Variants in OR56A3 observed in about 807,000 individuals in gnomAD.
OR56A3 encodes the protein olfactory receptor family 56 subfamily A member 3, also known as olfactory receptor 56A3.
OR56A3 carries 23 observed loss-of-function variants against 17.5 expected under a neutral mutation model. The ratio of observed to expected loss-of-function variants is 1.32; its 90% confidence interval spans 0.95 to 1.87. OR56A3 has a LOEUF of 1.87. Among genes scored for constraint, OR56A3 ranks in the 40% most tolerant of loss-of-function variants. The pLI is 0.00. For missense variants in OR56A3, 366 were observed against 380.1 expected (o/e 0.96, Z 0.31); for synonymous variants, 175 against 150.6 (o/e 1.16, Z -1.19).
the OR56A3 span, chr11:6,021,540 A>T: frequency 6.6e-6 from 1 of 152,098 alleles, no homozygotes; most frequent in Non-Finnish European, 1.5e-5. Flanking sequence ...ATAATTAAAT[A>T]AAAAATTATT....
chr11:6,004,743 A>G, the OR56A3 span, among the ~76,000 whole-genome samples: 1 of 152,188 alleles, frequency 6.6e-6, no homozygotes, highest in Non-Finnish European at 1.5e-5. Flanking sequence ...ATCAGATTGA[A>G]CTAATTCACC....
the OR56A3 span, among the ~76,000 whole-genome samples, chr11:6,010,525 AAC>A: frequency 1.3e-5 from 2 of 152,186 alleles, no homozygotes; most frequent in African/African-American, 4.8e-5. Context: ...ACCATGTTAG[AAC>A]AGTGTTAAAA....
Position 5,948,597 on chromosome 11 carries a change from A to C in OR56A3, c.*303A>C, listed in dbSNP as rs933642117. On this transcript the variant is annotated 3_prime_UTR_variant, in exon 3 of 3. Coordinates refer to ENST00000641160, the MANE Select transcript of OR56A3 (RefSeq NM_001003443.3). The stretch of plus-strand genomic sequence containing the variant: ...TGTATGTTTCTGAACACACAACTCA[A>C]TATGTCATGAATTTTGTATCATTAA... 1 of 298,170 alleles carries C rather than the reference A, an allele frequency of 3.4e-6. No individual in the cohort carries two copies. Among genetic ancestry groups the C allele is most frequent in the Non-Finnish European group, 6.2e-6 (1 of 160,090 alleles). 18.5% of individuals were successfully genotyped at this position (298,170 alleles called of 1,614,324 possible). A position where few individuals can be genotyped will look rare whatever the true frequency, so the allele number is the denominator to read the frequency against.
At chr11:6,002,670 T>A in the OR56A3 span, 1 of 1,614,050 alleles carries the variant, frequency 6.2e-7, no homozygotes, top group Non-Finnish European at 8.5e-7. Flanking sequence ...CAAAAAACTG[T>A]TCATGATGAA....
At chr11:5,988,757 C>A in the OR56A3 span, among the ~76,000 whole-genome samples, 1 of 152,186 alleles carries the variant, frequency 6.6e-6, no homozygotes, top group African/African-American at 2.4e-5. Context: ...TCTTTGACAA[C>A]CGCATGTTAA....
At chr11:5,994,791 C>T in the OR56A3 span, 1 of 755,070 alleles carries the variant, frequency 1.3e-6, no homozygotes, top group Admixed American at 1.7e-5. Flanking sequence ...TGTCCCCAGT[C>T]TACCTGGGGT....
At position 5,947,579 on chromosome 11, in the gene OR56A3, G is replaced by T; in HGVS notation, c.233G>T (p.Cys78Phe). Reference sequence around the variant, plus strand: ...CTCTCCCTGCTGGACATCGTGCTCTGCCTCACTGTCATCCCCAAGGTCCTG... The same window carrying T: ...CTCTCCCTGCTGGACATCGTGCTCTTCCTCACTGTCATCCCCAAGGTCCTG... ...SLLSLLDIVL[C>F]LTVIPKVLTI... The change falls in exon 3 of 3, where the codon TGC (cysteine) becomes TTC (phenylalanine). Residue 78 changes from cysteine to phenylalanine, a missense_variant. Coordinates refer to ENST00000641160, the MANE Select transcript of OR56A3 (RefSeq NM_001003443.3). 3 of 1,614,124 alleles carry T rather than the reference G, an allele frequency of 1.9e-6. No individual in the cohort carries two copies. The highest frequency in any genetic ancestry group is 2.5e-6 in the Non-Finnish European group (3 of 1,180,038).
the OR56A3 span, among the ~76,000 whole-genome samples, chr11:5,972,889 G>GC: frequency 3.9e-5 from 6 of 152,310 alleles, no homozygotes; most frequent in African/African-American, 1.4e-4. Context: ...GAGCCACCGT[G>GC]CCCGGCAGGG....
the OR56A3 span, chr11:6,002,339 A>G: frequency 6.2e-7 from 1 of 1,614,180 alleles, no homozygotes; most frequent in Admixed American, 1.7e-5. Flanking sequence ...AATAGGAGAT[A>G]ACAATAAGGA....
the OR56A3 span, among the ~76,000 whole-genome samples, chr11:5,971,409 T>A: frequency 6.6e-6 from 1 of 152,354 alleles, no homozygotes; most frequent in African/African-American, 2.4e-5. Context: ...TCCTGCCTCT[T>A]ATGTGTAGTC....
At chr11:5,961,328 G>C in the OR56A3 span, among the ~76,000 whole-genome samples, 2 of 152,256 alleles carry the variant, frequency 1.3e-5, no homozygotes, top group Non-Finnish European at 2.9e-5. Context: ...AATGGGAAAG[G>C]AAGGAGAGAT....
chr11:5,998,376 T>C, the OR56A3 span, among the ~76,000 whole-genome samples: 16 of 152,292 alleles, frequency 1.1e-4, no homozygotes, highest in South Asian at 1.2e-3. Context: ...GTCTGATTTA[T>C]GTATTGTCTG....
chr11:6,015,660 A>G, the OR56A3 span, among the ~76,000 whole-genome samples: 1 of 152,238 alleles, frequency 6.6e-6, no homozygotes, highest in South Asian at 2.1e-4. Flanking sequence ...GATGTGGAAC[A>G]TGGAGTCAAA....
chr11:5,963,449 A>G, the OR56A3 span, among the ~76,000 whole-genome samples: 3 of 152,002 alleles, frequency 2.0e-5, no homozygotes, highest in South Asian at 4.2e-4. Flanking sequence ...TAGGTATAGT[A>G]TTCCTGGTTG....
the OR56A3 span, chr11:6,002,152 T>C: frequency 6.2e-7 from 1 of 1,614,166 alleles, no homozygotes. Context: ...TGGTGCAGGA[T>C]GTTGAGCAGG....
At chr11:5,996,619 A>C in the OR56A3 span, among the ~76,000 whole-genome samples, 1 of 152,268 alleles carries the variant, frequency 6.6e-6, no homozygotes, top group Non-Finnish European at 1.5e-5. Context: ...ATGTATTTGG[A>C]AACTACAACT....
At chr11:5,965,077 T>C in the OR56A3 span, among the ~76,000 whole-genome samples, 1 of 152,204 alleles carries the variant, frequency 6.6e-6, no homozygotes, top group Non-Finnish European at 1.5e-5. Context: ...GAAAAAATTA[T>C]CCATTTCCCA....
intron 1 of OR56A3, among the ~76,000 whole-genome samples, chr11:5,943,756 G>A (rs930888861): frequency 9.9e-5 from 15 of 152,108 alleles, no homozygotes; most frequent in African/African-American, 3.6e-4. Flanking sequence ...TAAAATACCT[G>A]AGAATACAAC....
the OR56A3 span, among the ~76,000 whole-genome samples, chr11:6,013,394 G>A: frequency 6.6e-6 from 1 of 152,188 alleles, no homozygotes; most frequent in Non-Finnish European, 1.5e-5. Context: ...AATTGTTGGG[G>A]GGATCCTCCA....
Sources: allele counts gnomAD v4.1 joint callset (sites outside exome capture counted in the v4.1 genomes callset), GRCh38; gene constraint gnomAD v4.1.1; transcripts MANE v1.5; gene names NCBI Gene and HGNC (gene_info 2026-07-23, HGNC 2026-07-21).